Variants in VWA5B1 observed in about 807,000 individuals in gnomAD.
The protein encoded by VWA5B1 is von Willebrand factor A domain containing 5B1, also known as von Willebrand factor A domain-containing protein 5B1.
In VWA5B1, 115 loss-of-function variants were observed where a neutral mutation model predicts 118.2. That is an observed-to-expected ratio of 0.97 (90% CI 0.84 to 1.14). The LOEUF is 1.14. Among genes scored for constraint, VWA5B1 ranks in the 50% most tolerant of loss-of-function variants. The pLI is 0.00. For synonymous variants in VWA5B1, 682 were observed against 658.4 expected, an observed-to-expected ratio of 1.04 and a Z score of -0.55; for missense variants, 1,596 against 1,603.8, an observed-to-expected ratio of 1.00 and a Z score of 0.08.
At position 20,359,443 on chromosome 1, in the gene VWA5B1, C is replaced by T. The variant is rs1313462358; in HGVS notation, c.*5180C>T. Among the ~76,000 whole-genome samples the T allele has an allele frequency of 6.6e-6, 1 of 152,170 alleles. No individual in the cohort carries two copies. The highest frequency in any genetic ancestry group is 2.4e-5 in the African/African-American group (1 of 41,444). ...CCATGGGGCTGTGTGTGTGTCTGTT[C>T]TCAAAGAAATGGCTTCTTTGTACAT... On this transcript the variant is annotated 3_prime_UTR_variant, in exon 22 of 22. Transcript: ENST00000289815.
rs1281071794 is a variant in VWA5B1 at position 20,354,263 on chromosome 1, G to C, written c.3648G>C (p.Ter1216TyrextTer32). 2.6e-6 allele frequency: 4 copies of C among 1,522,258 alleles called. No homozygotes were observed. Among genetic ancestry groups the C allele is most frequent in the Non-Finnish European group, 1.8e-6 (2 of 1,129,110 alleles). 94.3% of individuals were successfully genotyped at this position (1,522,258 alleles called of 1,614,324 possible). Residue 1216 changes from the stop codon to tyrosine (Y), a stop_lost, in exon 22 of 22, where the codon TAG becomes TAC. Transcript: ENST00000289815. ...NMLCYNPNYV[*>Y] ...TCTGCTATAACCCGAATTATGTGTA[G>C]TTGAGTGACGGGGAGGCTGGGTGGA...
In VWA5B1 at chr1:20,310,584, G is replaced by A. The variant is rs2088816893; in HGVS notation, c.-18G>A. ...CTTCCTGTGTCTCACAGGTTCTGAAGGCTGAGTAGCCAGCGGGATGCCCGG... is the reference window on the plus strand; with the variant it reads ...CTTCCTGTGTCTCACAGGTTCTGAAAGCTGAGTAGCCAGCGGGATGCCCGG... On this transcript the variant is annotated 5_prime_UTR_variant, in exon 2 of 22. Transcript: ENST00000289815. 1 of 1,518,514 alleles carries A rather than the reference G, an allele frequency of 6.6e-7. No individual in the cohort carries two copies. The highest frequency in any genetic ancestry group is 2.2e-5 in the Admixed American group (1 of 46,204). 94.1% of individuals were successfully genotyped at this position (1,518,514 alleles called of 1,614,324 possible). A position where few individuals can be genotyped will look rare whatever the true frequency, so the allele number is the denominator to read the frequency against.
intron 9 of VWA5B1, 49 bp from the exon 10 acceptor site, chr1:20,330,131 G>A: frequency 6.5e-7 from 1 of 1,545,674 alleles, no homozygotes; most frequent in Non-Finnish European, 8.8e-7. Flanking sequence ...AGGTGGTCTA[G>A]AGTCTCTGTA....
intron 8 of VWA5B1, among the ~76,000 whole-genome samples, chr1:20,327,118 C>T (rs900155120): frequency 6.6e-6 from 1 of 152,012 alleles, no homozygotes; most frequent in African/African-American, 2.4e-5. Flanking sequence ...ATCAAGGTCT[C>T]CTGCTGGGGT....
rs1308465547 is a variant in VWA5B1, at chr1:20,354,040, C to T, written c.3425C>T (p.Thr1142Met). Residue 1142 changes from threonine (T) to methionine (M), a missense_variant, in exon 22 of 22, where the codon ACG becomes ATG. Transcript: ENST00000289815. ...VVEHTGKLWATVVGLAWLEHS... is the reference protein window; with the variant it reads ...VVEHTGKLWAMVVGLAWLEHS... ...GAGCACACTGGGAAGCTGTGGGCCA[C>T]GGTGGTGGGGCTGGCATGGCTGGAG... 1.2e-5 allele frequency: 19 copies of T among 1,551,642 alleles called. No individual in the cohort carries two copies. Among genetic ancestry groups the T allele is most frequent in the Middle Eastern group, 1.7e-4 (1 of 5,992 alleles).
At chr1:20,350,083 A>G in intron 18 of VWA5B1, 73 bp from the exon 19 acceptor site, 18 of 1,449,774 alleles carry the variant, frequency 1.2e-5, no homozygotes, top group Non-Finnish European at 1.5e-5. Context: ...GAATTAGACC[A>G]TTGCTCTCCT....
In VWA5B1 at chr1:20,328,402, G is replaced by A. The variant is rs575149367; in HGVS notation, c.1254+402G>A. Among the ~76,000 whole-genome samples the A allele has an allele frequency of 5.9e-5, 9 of 152,230 alleles. No homozygotes were observed. In the East Asian group the frequency reaches 1.7e-3, roughly 29 times the overall value. ...TAAGGAGTAGGGGAGTGAATAGGTGGATGAGTGGGCGTGGCAGCGGGCTAA... is the reference window on the plus strand; with the variant it reads ...TAAGGAGTAGGGGAGTGAATAGGTGAATGAGTGGGCGTGGCAGCGGGCTAA... On this transcript the variant is annotated intron_variant, in intron 9 of 21. Transcript: ENST00000289815.
At chr1:20,330,084 C>A in intron 9 of VWA5B1, 96 bp from the exon 10 acceptor site, 2 of 1,395,932 alleles carry the variant, frequency 1.4e-6, no homozygotes, top group Non-Finnish European at 2.0e-6. Context: ...TCTGGTGAGG[C>A]TAAAAGAAGA....
chr1:20,334,093 A>G (rs1028701176), intron 12 of VWA5B1, among the ~76,000 whole-genome samples: 3 of 152,246 alleles, frequency 2.0e-5, no homozygotes, highest in Non-Finnish European at 4.4e-5. Flanking sequence ...ACAAAGTGCC[A>G]TCATGCAGAA....
At chr1:20,315,548 C>T (rs963707041) in intron 4 of VWA5B1, among the ~76,000 whole-genome samples, 4 of 152,148 alleles carry the variant, frequency 2.6e-5, no homozygotes, top group African/African-American at 9.7e-5. Flanking sequence ...GGGACAAGTG[C>T]TATTTTAGCT....
chr1:20,353,818 A>G lies in VWA5B1; in HGVS notation c.3203A>G (p.His1068Arg). ...AACGAAGCCTTCTGTGAGGCCACGC[A>G]CATCCCCATGGAGAAGCTCAAGTGG... The part of the protein sequence containing the change: ...LLNEAFCEAT[H>R]IPMEKLKWTS... The change falls in exon 22 of 22, where the codon CAC becomes CGC. Residue 1068 changes from histidine (H) to arginine (R), a missense_variant. Transcript: ENST00000289815. The G allele has an allele frequency of 1.3e-6, 2 of 1,503,160 alleles. No individual in the cohort carries two copies. The highest frequency in any genetic ancestry group is 1.8e-6 in the Non-Finnish European group (2 of 1,123,424). 93.1% of individuals were successfully genotyped at this position (1,503,160 alleles called of 1,614,324 possible).
chr1:20,336,086 A>G (rs1420822453), intron 12 of VWA5B1, among the ~76,000 whole-genome samples: 1 of 152,230 alleles, frequency 6.6e-6, no homozygotes, highest in Non-Finnish European at 1.5e-5. Context: ...ATAATTAAAA[A>G]CATAAACAAC....
intron 4 of VWA5B1, among the ~76,000 whole-genome samples, chr1:20,316,359 T>C (rs913794102): frequency 2.0e-5 from 3 of 152,086 alleles, no homozygotes; most frequent in African/African-American, 7.2e-5. Context: ...ACAAGTACAA[T>C]GTAATGGATG....
chr1:20,317,677 T>C lies in VWA5B1; in HGVS notation c.709+2T>C, dbSNP rs751582595. On this transcript the variant is annotated splice_donor_variant, in intron 5 of 21. Transcript: ENST00000289815. LOFTEE classifies it high-confidence loss of function. ...TCCGTGGGCCATGTCTGCTCGCAGG[T>C]GAGAGGGAGACATCCAGACGGGATG... 15 of 1,548,212 alleles carry C rather than the reference T, an allele frequency of 9.7e-6. No individual in the cohort carries two copies. Among genetic ancestry groups the C allele is most frequent in the African/African-American group, 4.1e-5 (3 of 72,308 alleles).
intron 7 of VWA5B1, among the ~76,000 whole-genome samples, chr1:20,321,753 A>G (rs2089225439): frequency 6.6e-6 from 1 of 152,108 alleles, no homozygotes; most frequent in South Asian, 2.1e-4. Context: ...GAATGGATGG[A>G]GAGGGCACAG....
rs191428389 is a variant in VWA5B1, at chr1:20,300,379, T to C, written c.-27+9291T>C. On this transcript the variant is annotated intron_variant, in intron 1 of 21. Transcript: ENST00000289815. Reference sequence around the variant, plus strand: ...TGTCAATCTGAAGAGATGGGTGGCATGAATTCTCAAGGTGCACCTCCTCTT... The same window carrying C: ...TGTCAATCTGAAGAGATGGGTGGCACGAATTCTCAAGGTGCACCTCCTCTT... 1.4e-4 allele frequency among the ~76,000 whole-genome samples: 21 copies of C among 152,228 alleles called. No homozygotes were observed. In the East Asian group the frequency reaches 4.1e-3, roughly 29 times the overall value.
rs2090205421 is a variant in VWA5B1, at chr1:20,355,031, C to CA, written c.*773dup. The CA allele has an allele frequency of 6.6e-6, 1 of 152,166 alleles. No individual in the cohort carries two copies. The highest frequency in any genetic ancestry group is 1.5e-5 in the Non-Finnish European group (1 of 68,014). The allele number at this position is 152,166 out of a possible 1,614,324, so 9.4% of individuals were successfully genotyped here. On this transcript the variant is annotated 3_prime_UTR_variant, in exon 22 of 22. Transcript: ENST00000289815. Reference sequence around the variant, plus strand: ...TGTTAGATTTAAGCAGCAGTCTGTGCAAAAATAGTCCTAAAAGAACAGACA... The same window carrying CA: ...TGTTAGATTTAAGCAGCAGTCTGTGCAAAAAATAGTCCTAAAAGAACAGACA...
chr1:20,355,005 G>A lies in VWA5B1; in HGVS notation c.*742G>A, dbSNP rs750572880. 6 of 152,340 alleles carry A rather than the reference G, an allele frequency of 3.9e-5. No individual in the cohort carries two copies. The highest frequency in any genetic ancestry group is 2.1e-4 in the South Asian group (1 of 4,822). The allele number at this position is 152,340 out of a possible 1,614,324, so 9.4% of individuals were successfully genotyped here. ...CAGGGGAGACACCTTGTGAGTTGAC[G>A]TGTTAGATTTAAGCAGCAGTCTGTG... On this transcript the variant is annotated 3_prime_UTR_variant, in exon 22 of 22. Transcript: ENST00000289815.
At chr1:20,301,800 G>A (rs2088510515) in intron 1 of VWA5B1, among the ~76,000 whole-genome samples, 1 of 152,166 alleles carries the variant, frequency 6.6e-6, no homozygotes, top group Non-Finnish European at 1.5e-5. Flanking sequence ...CCCCCAGAAA[G>A]GTGGGTGTAC....
Sources: allele counts gnomAD v4.1 joint callset (sites outside exome capture counted in the v4.1 genomes callset), GRCh38; gene constraint gnomAD v4.1.1; transcripts MANE v1.5; gene names NCBI Gene and HGNC (gene_info 2026-07-23, HGNC 2026-07-21).